SGCZ: variants seen among roughly 807,000 people sequenced by gnomAD.
SGCZ encodes the protein sarcoglycan zeta.
SGCZ carries 40 observed loss-of-function variants against 41.3 expected under a neutral mutation model. The ratio of observed to expected loss-of-function variants is 0.97; its 90% CI spans 0.75 to 1.26. The LOEUF (loss-of-function observed/expected upper bound fraction) is 1.26, where lower values mean the gene tolerates loss of function less well. Ranked by LOEUF, SGCZ falls within the 50% of genes most tolerant of loss-of-function variation. The pLI, the probability that SGCZ is intolerant of heterozygous loss-of-function variation, is 0.00. For synonymous variants in SGCZ, 206 were observed against 137.5 expected, an observed-to-expected ratio of 1.50 and a Z score of -3.49; for missense variants, 552 against 369.8, an observed-to-expected ratio of 1.49 and a Z score of -4.04.
chr8:14,176,402 A>G (rs182884036), intron 4 of SGCZ, among the ~76,000 whole-genome samples: 3 of 152,356 alleles, frequency 2.0e-5, no homozygotes, highest in Admixed American at 2.0e-4. Flanking sequence ...CTTTAAAATA[A>G]GCCATGAGCC....
At chr8:14,363,219 A>G (rs1563280977) in intron 2 of SGCZ, among the ~76,000 whole-genome samples, 1 of 152,186 alleles carries the variant, frequency 6.6e-6, no homozygotes, top group Non-Finnish European at 1.5e-5. Flanking sequence ...GACACTTTGA[A>G]ATACATGAGA....
intron 1 of SGCZ, among the ~76,000 whole-genome samples, chr8:15,100,955 G>A (rs1806589045): frequency 1.3e-5 from 2 of 151,564 alleles, no homozygotes; most frequent in South Asian, 2.1e-4. Flanking sequence ...TAGCCCAGCT[G>A]ACAGAGTGAG....
intron 2 of SGCZ, among the ~76,000 whole-genome samples, chr8:14,350,796 T>G (rs1231657827): frequency 1.3e-5 from 2 of 152,164 alleles, no homozygotes; most frequent in East Asian, 3.8e-4. Context: ...AGTAACTATT[T>G]TCTAGTAATC....
At position 15,237,718 on chromosome 8, in the gene SGCZ, C is replaced by T; in HGVS notation, c.-95G>A. 7.4e-7 allele frequency: 1 copy of T among 1,352,596 alleles called. No individual in the cohort carries two copies. The highest frequency in any genetic ancestry group is 1.0e-6 in the Non-Finnish European group (1 of 968,994). The allele number at this position is 1,352,596 out of a possible 1,614,324, so 83.8% of individuals were successfully genotyped here. A position where few individuals can be genotyped will look rare whatever the true frequency, so the allele number is the denominator to read the frequency against. ...TCCAGCTTAAACTCAGCTTTATCCT[C>T]CTCCAAGCCCCGGCAGCTCCTCTCA... On this transcript the variant is annotated 5_prime_UTR_variant, in exon 1 of 8. Transcript: ENST00000382080.
intron 4 of SGCZ, among the ~76,000 whole-genome samples, chr8:14,204,396 A>C (rs1805553228): frequency 6.6e-6 from 1 of 151,996 alleles, no homozygotes; most frequent in South Asian, 2.1e-4. Context: ...TGAGAGGCAA[A>C]TTATTTGAGC....
chr8:14,795,479 G>A (rs894541891), intron 1 of SGCZ, among the ~76,000 whole-genome samples: 4 of 151,700 alleles, frequency 2.6e-5, no homozygotes, highest in African/African-American at 9.7e-5. Context: ...GGTTCTTGCT[G>A]TCACCCATGC....
At chr8:14,793,743 A>G (rs1388008114) in intron 1 of SGCZ, among the ~76,000 whole-genome samples, 2 of 152,086 alleles carry the variant, frequency 1.3e-5, no homozygotes, top group African/African-American at 4.8e-5. Context: ...CACCTGCCTC[A>G]CCATCCCCCA....
chr8:14,583,044 A>G (rs1235578662), intron 1 of SGCZ, among the ~76,000 whole-genome samples: 5 of 150,690 alleles, frequency 3.3e-5, no homozygotes, highest in East Asian at 2.0e-4. Context: ...TGGCTGGGTC[A>G]AATGGTATTT....
At chr8:15,066,310 G>C (rs1273378914) in intron 1 of SGCZ, among the ~76,000 whole-genome samples, 1 of 83,018 alleles carries the variant, frequency 1.2e-5, no homozygotes, top group Non-Finnish European at 2.5e-5. Flanking sequence ...GCGAGACTCC[G>C]TCTCCAAAAA....
At chr8:14,290,340 G>C (rs1391994540) in intron 3 of SGCZ, among the ~76,000 whole-genome samples, 4 of 151,866 alleles carry the variant, frequency 2.6e-5, no homozygotes, top group Admixed American at 1.3e-4. Flanking sequence ...AGACACATGA[G>C]GTTAGAAAAA....
intron 1 of SGCZ, among the ~76,000 whole-genome samples, chr8:14,764,291 G>C (rs756381795): frequency 1.2e-4 from 19 of 152,148 alleles, no homozygotes; most frequent in Non-Finnish European, 2.4e-4. Context: ...AACCCTAATA[G>C]ATTGATGCAA....
chr8:15,191,375 T>C (rs758919241), intron 1 of SGCZ, among the ~76,000 whole-genome samples: 7 of 152,084 alleles, frequency 4.6e-5, no homozygotes, highest in Non-Finnish European at 1.0e-4. Flanking sequence ...TAACAAATGA[T>C]GTAGAAAATA....
chr8:14,695,290 C>G (rs534301242), intron 1 of SGCZ, among the ~76,000 whole-genome samples: 3 of 151,900 alleles, frequency 2.0e-5, no homozygotes, highest in Non-Finnish European at 4.4e-5. Flanking sequence ...AACCTATAAC[C>G]ATAAAGAAAA....
At chr8:14,438,160 C>T (rs532385367) in intron 2 of SGCZ, among the ~76,000 whole-genome samples, 119 of 152,058 alleles carry the variant, frequency 7.8e-4, no homozygotes, top group Non-Finnish European at 1.3e-3. Flanking sequence ...TAATTTCAAA[C>T]TTTAGCATGT....
intron 2 of SGCZ, among the ~76,000 whole-genome samples, chr8:14,430,237 A>C (rs1799905660): frequency 6.6e-6 from 1 of 152,158 alleles, no homozygotes; most frequent in African/African-American, 2.4e-5. Flanking sequence ...GAAAGGACAT[A>C]AACAAAAAAG....
Position 15,003,331 on chromosome 8 carries a change from G to A in SGCZ, c.39+234254C>T, listed in dbSNP as rs58957549. On this transcript the variant is annotated intron_variant, in intron 1 of 7. Transcript: ENST00000382080. ...GTGAGTCAATTAAACCTCTTTTTAT[G>A]TATAAATTACTCAGTCTCAAGTATA... Among the ~76,000 whole-genome samples the A allele has an allele frequency of 9.7e-3, 1,479 of 152,186 alleles. 22 individuals carry two copies. Among genetic ancestry groups the A allele is most frequent in the African/African-American group, 0.033 (1,369 of 41,526 alleles).
At chr8:14,790,411 A>G (rs1422393200) in intron 1 of SGCZ, among the ~76,000 whole-genome samples, 4 of 152,184 alleles carry the variant, frequency 2.6e-5, no homozygotes, top group African/African-American at 9.7e-5. Context: ...ATGCAAATGT[A>G]CACTGTATTT....
At chr8:14,611,157 T>A (rs1363575323) in intron 1 of SGCZ, among the ~76,000 whole-genome samples, 1 of 152,208 alleles carries the variant, frequency 6.6e-6, no homozygotes, top group Non-Finnish European at 1.5e-5. Context: ...TTTCTCATTT[T>A]ACAATCTGTG....
At chr8:14,161,216 A>G (rs1447658673) in intron 5 of SGCZ, 2 of 152,208 alleles carry the variant, frequency 1.3e-5, no homozygotes, top group Non-Finnish European at 2.9e-5. Context: ...TCTGCATGCT[A>G]TGCTACGCAC....
Sources: allele counts gnomAD v4.1 joint callset (sites outside exome capture counted in the v4.1 genomes callset), GRCh38; gene constraint gnomAD v4.1.1; transcripts MANE v1.5; gene names NCBI Gene and HGNC (gene_info 2026-07-23, HGNC 2026-07-21).